VCAM1: variants seen among roughly 807,000 people sequenced by gnomAD.
The protein encoded by VCAM1 is vascular cell adhesion molecule 1.
Under a neutral mutation model 63.8 loss-of-function variants are expected in VCAM1, and 41 were observed. The ratio of observed to expected loss-of-function variants is 0.64; its 90% CI spans 0.50 to 0.83. The LOEUF (loss-of-function observed/expected upper bound fraction) is 0.83, where lower values mean the gene tolerates loss of function less well. VCAM1 is among the 40% of genes least tolerant of loss of function. The pLI is 0.00. For missense variants in VCAM1, 798 were observed against 875.5 expected (o/e 0.91, Z 1.12); for synonymous variants, 338 against 320.7 (o/e 1.05, Z -0.58).
chr1:100,734,690 A>C lies in VCAM1; in HGVS notation c.1981A>C (p.Lys661Gln). The C allele has an allele frequency of 6.2e-7, 1 of 1,614,034 alleles. No homozygotes were observed. Among genetic ancestry groups the C allele is most frequent in the East Asian group, 2.2e-5 (1 of 44,862 alleles). The change falls in exon 8 of 9, where the codon AAG becomes CAG. Residue 661 changes from lysine to glutamine, a missense_variant. Coordinates refer to ENST00000294728, the MANE Select transcript of VCAM1 (RefSeq NM_001078.4). ...CTATACCATCCGAAAGGCCCAGTTG[A>C]AGGATGCGGGAGTATATGAATGTGA... ...GAYTIRKAQL[K>Q]DAGVYECESK...
intron 8 of VCAM1, chr1:100,736,883 A>G (rs1002503819): frequency 2.0e-5 from 3 of 152,178 alleles, no homozygotes; most frequent in African/African-American, 7.2e-5. Context: ...AGAATGTAGT[A>G]ATCACCAAAG....
rs1660735111 is a variant in VCAM1 at position 100,738,345 on chromosome 1, A to G, written c.*62A>G. 6.6e-7 allele frequency: 1 copy of G among 1,514,660 alleles called. No homozygotes were observed. Among genetic ancestry groups the G allele is most frequent in the Non-Finnish European group, 8.9e-7 (1 of 1,122,174 alleles). 93.8% of individuals were successfully genotyped at this position (1,514,660 alleles called of 1,614,324 possible). The stretch of plus-strand genomic sequence containing the variant: ...TCTGTGCAAATCCTTGATACTGCTC[A>G]TCATTCCTTGAGAAAAACAATGAGC... On this transcript the variant is annotated 3_prime_UTR_variant, in exon 9 of 9. Coordinates refer to ENST00000294728, the MANE Select transcript of VCAM1 (RefSeq NM_001078.4).
chr1:100,725,759 T>C (rs1660137981), intron 4 of VCAM1, among the ~76,000 whole-genome samples: 1 of 152,040 alleles, frequency 6.6e-6, no homozygotes. Context: ...CTAATTGTCT[T>C]TATTATTTCT....
chr1:100,728,672 A>G (rs535130471), intron 4 of VCAM1, among the ~76,000 whole-genome samples: 2 of 151,622 alleles, frequency 1.3e-5, no homozygotes, highest in Admixed American at 1.3e-4. Context: ...CAAAGAAGAA[A>G]GAATAGTACT....
rs1660094270 is a variant in VCAM1, at chr1:100,724,621, C to G, written c.662-3C>G. ...TTGCTAATATTATTTTTTGCCCTTT[C>G]AGTATCACCCAAGAATACAGTTATT... On this transcript the variant is annotated splice_region_variant and splice_polypyrimidine_tract_variant and intron_variant, in intron 3 of 8. Transcript: ENST00000294728. 6.2e-7 allele frequency: 1 copy of G among 1,607,810 alleles called. No individual in the cohort carries two copies. The highest frequency in any genetic ancestry group is 1.1e-5 in the South Asian group (1 of 90,500).
chr1:100,733,917 A>G (rs1403330075), intron 7 of VCAM1, among the ~76,000 whole-genome samples: 1 of 152,218 alleles, frequency 6.6e-6, no homozygotes, highest in East Asian at 1.9e-4. Context: ...ACACTGCTAT[A>G]AAGATACTAC....
At chr1:100,729,670 G>T (rs538918702) in intron 5 of VCAM1, among the ~76,000 whole-genome samples, 1 of 152,150 alleles carries the variant, frequency 6.6e-6, no homozygotes. Flanking sequence ...AGTGCATTGG[G>T]GTCAGTGCCC....
At chr1:100,730,772 A>G (rs1048305382) in intron 5 of VCAM1, among the ~76,000 whole-genome samples, 1 of 152,144 alleles carries the variant, frequency 6.6e-6, no homozygotes, top group African/African-American at 2.4e-5. Flanking sequence ...TACTCATTTT[A>G]CACAGCTGCT....
At chr1:100,730,681 C>T (rs1311480046) in intron 5 of VCAM1, among the ~76,000 whole-genome samples, 3 of 152,108 alleles carry the variant, frequency 2.0e-5, no homozygotes, top group Admixed American at 1.3e-4. Context: ...CAGCCCATCT[C>T]AGTGACTTAC....
At chr1:100,720,447 T>G in intron 1 of VCAM1, 29 bp from the exon 2 acceptor site, 2 of 1,595,540 alleles carry the variant, frequency 1.3e-6, no homozygotes, top group Non-Finnish European at 1.7e-6. Context: ...TAGTGGTAAA[T>G]TTGCTTCTGT....
Position 100,738,313 on chromosome 1 carries a change from CTATT to C in VCAM1, c.*34_*37del, listed in dbSNP as rs761142717. 1.5e-4 allele frequency: 236 copies of C among 1,603,708 alleles called. No homozygotes were observed. Among genetic ancestry groups the C allele is most frequent in the Admixed American group, 6.8e-5 (4 of 59,212 alleles). On this transcript the variant is annotated 3_prime_UTR_variant, in exon 9 of 9. Coordinates refer to ENST00000294728, the MANE Select transcript of VCAM1 (RefSeq NM_001078.4). Reference sequence around the variant, plus strand: ...TGCTTGATATGTTCAACTGGAGACACTATTTATCTGTGCAAATCCTTGATACTGC... The same window carrying C: ...TGCTTGATATGTTCAACTGGAGACACTATCTGTGCAAATCCTTGATACTGC...
At chr1:100,724,944 A>G in intron 4 of VCAM1, 54 bp downstream of exon 4, 1 of 1,588,122 alleles carries the variant, frequency 6.3e-7, no homozygotes. Context: ...GGATTTGAGC[A>G]ATAGTCAACA....
rs201542521 is a variant in VCAM1, at chr1:100,723,293, A to G, written c.614A>G (p.Asp205Gly). The G allele has an allele frequency of 1.6e-5, 26 of 1,613,044 alleles. No individual in the cohort carries two copies. The highest frequency in any genetic ancestry group is 4.5e-5 in the East Asian group (2 of 44,842). ...CRAKLHIDEMDSVPTVRQAVK... is the reference protein window; with the variant it reads ...CRAKLHIDEMGSVPTVRQAVK... ...GCTAAATTACACATTGATGAAATGGATTCTGTGCCCACAGTAAGGCAGGCT... is the reference window on the plus strand; with the variant it reads ...GCTAAATTACACATTGATGAAATGGGTTCTGTGCCCACAGTAAGGCAGGCT... Residue 205 changes from aspartate (D) to glycine (G), a missense_variant, in exon 3 of 9, where the codon GAT becomes GGT. Transcript: ENST00000294728.
chr1:100,726,390 C>G (rs1199258168), intron 4 of VCAM1, among the ~76,000 whole-genome samples: 1 of 152,078 alleles, frequency 6.6e-6, no homozygotes, highest in Non-Finnish European at 1.5e-5. Flanking sequence ...TTTTCTATAA[C>G]TTCCATCACA....
rs3176871 is a variant in VCAM1, at chr1:100,731,733, A to G, written c.1525+215A>G. 0.94 allele frequency among the ~76,000 whole-genome samples: 143,059 copies of G among 152,240 alleles called. 67,432 individuals are homozygous for G. Among genetic ancestry groups the G allele is most frequent in the Non-Finnish European group, 0.97 (66,187 of 68,020 alleles). On this transcript the variant is annotated intron_variant, in intron 6 of 8. Transcript: ENST00000294728. This position sits in a 1 kb window ranked among gnomAD's most constrained non-coding sequence, Gnocchi z 4.2. ...TTATGATGCTTTGAGTAGGCAATTTAGGAAGGGACCAGCTAGGCAGTTATT... is the reference window on the plus strand; with the variant it reads ...TTATGATGCTTTGAGTAGGCAATTTGGGAAGGGACCAGCTAGGCAGTTATT...
chr1:100,737,919 C>A (rs141431804), intron 8 of VCAM1: 27 of 465,182 alleles, frequency 5.8e-5, no homozygotes, highest in East Asian at 3.3e-4. Context: ...ATCTTTAGAT[C>A]CATCATGACC....
chr1:100,732,741 C>T, intron 7 of VCAM1, 57 bp downstream of exon 7: 1 of 1,488,604 alleles, frequency 6.7e-7, no homozygotes, highest in Admixed American at 2.5e-5. Flanking sequence ...GGTTATGTTA[C>T]TGATTATGAG....
Position 100,734,698 on chromosome 1 carries a change from G to T in VCAM1, c.1989G>T (p.Ala663=). The T allele has an allele frequency of 6.2e-7, 1 of 1,613,978 alleles. No homozygotes were observed. The highest frequency in any genetic ancestry group is 1.1e-5 in the South Asian group (1 of 91,082). Residue 663 remains alanine (A), a synonymous_variant, in exon 8 of 9, where the codon GCG becomes GCT. Transcript: ENST00000294728. ...YTIRKAQLKD[A]GVYECESKNK... ...TCCGAAAGGCCCAGTTGAAGGATGC[G>T]GGAGTATATGAATGTGAATCTAAAA...
chr1:100,724,363 A>G (rs1397288949), intron 3 of VCAM1, among the ~76,000 whole-genome samples: 1 of 152,046 alleles, frequency 6.6e-6, no homozygotes, highest in Non-Finnish European at 1.5e-5. Flanking sequence ...CTTACCCTTA[A>G]GTGGGAGGTT....
Sources: allele counts gnomAD v4.1 joint callset (sites outside exome capture counted in the v4.1 genomes callset), GRCh38; gene constraint gnomAD v4.1.1; non-coding constraint Gnocchi (gnomAD v3.1); transcripts MANE v1.5; gene names NCBI Gene and HGNC (gene_info 2026-07-23, HGNC 2026-07-21).